Variants in AHRR observed in about 807,000 individuals in gnomAD.
AHRR encodes the protein aryl hydrocarbon receptor repressor.
In AHRR, 28 loss-of-function variants were observed where a neutral mutation model predicts 44.0. The ratio of observed to expected loss-of-function variants is 0.64; its 90% CI spans 0.47 to 0.87. The LOEUF is 0.87. Ranked by LOEUF, AHRR falls within the 40% of genes least tolerant of loss-of-function variation. The pLI, the probability that AHRR is intolerant of heterozygous loss-of-function variation, is 0.00. For missense variants in AHRR, 990 were observed against 953.9 expected (o/e 1.04, Z -0.50); for synonymous variants, 434 against 407.0 (o/e 1.07, Z -0.80).
At chr5:410,828 A>G (rs11745246) in intron 4 of AHRR, among the ~76,000 whole-genome samples, 35,297 of 152,148 alleles carry the variant, frequency 0.23, 5,391 homozygotes, top group Non-Finnish European at 0.34. Flanking sequence ...TATTTAGTAT[A>G]AGGTTATTTA....
intron 4 of AHRR, among the ~76,000 whole-genome samples, chr5:394,813 G>T (rs977787847): frequency 1.3e-5 from 2 of 152,254 alleles, no homozygotes; most frequent in African/African-American, 4.8e-5. Flanking sequence ...GGCAGGGCCA[G>T]CTCCTGGGTG....
chr5:365,368 G>A (rs1743321120), intron 3 of AHRR, among the ~76,000 whole-genome samples: 1 of 152,128 alleles, frequency 6.6e-6, no homozygotes, highest in South Asian at 2.1e-4. Flanking sequence ...AACCCGTATA[G>A]TTGGAAATAA....
chr5:392,678 G>A (rs556198523), intron 4 of AHRR, among the ~76,000 whole-genome samples: 25 of 135,518 alleles, frequency 1.8e-4, no homozygotes, highest in Admixed American at 6.0e-4. Flanking sequence ...GTGATGTGGC[G>A]GGAAGGCTGG....
rs1385954895 is a variant in AHRR, at chr5:395,284, G to T, written c.352-18060G>T. On this transcript the variant is annotated intron_variant, in intron 4 of 10. Coordinates refer to ENST00000684583, the MANE Select transcript of AHRR (RefSeq NM_001377236.1). The surrounding 1 kb of genome is among the most constrained non-coding windows in gnomAD (Gnocchi z 5.3). ...ACTGGTGCGGAATGCAGACAGAGGG[G>T]GCCTGGGAGACACGAGCCCCGGTGG... Among the ~76,000 whole-genome samples, 1 of 152,190 alleles carries T rather than the reference G, an allele frequency of 6.6e-6. No homozygotes were observed. Among genetic ancestry groups the T allele is most frequent in the African/African-American group, 2.4e-5 (1 of 41,450 alleles).
chr5:351,356 G>A (rs1742852363), intron 2 of AHRR, among the ~76,000 whole-genome samples: 1 of 152,192 alleles, frequency 6.6e-6, no homozygotes, highest in African/African-American at 2.4e-5. Context: ...CAACGCAAAC[G>A]TCCATCAGCA....
In AHRR at chr5:395,908, G is replaced by A. The variant is rs1231726456; in HGVS notation, c.352-17436G>A. Among the ~76,000 whole-genome samples the A allele has an allele frequency of 2.0e-5, 3 of 152,226 alleles. No individual in the cohort carries two copies. The highest frequency in any genetic ancestry group is 7.2e-5 in the African/African-American group (3 of 41,458). On this transcript the variant is annotated intron_variant, in intron 4 of 10. Transcript: ENST00000684583. This position sits in a 1 kb window ranked among gnomAD's most constrained non-coding sequence, Gnocchi z 5.3. Reference sequence around the variant, plus strand: ...CCTCCAGCTTCCTCCATGCAGTGATGTTGCCTGGCTCTAAGGGGCTCCTGG... The same window carrying A: ...CCTCCAGCTTCCTCCATGCAGTGATATTGCCTGGCTCTAAGGGGCTCCTGG...
chr5:336,212 A>G lies in AHRR; in HGVS notation c.-10-7681A>G, dbSNP rs557072329. Among the ~76,000 whole-genome samples, 3 of 152,276 alleles carry G rather than the reference A, an allele frequency of 2.0e-5. No individual in the cohort carries two copies. In the South Asian group the frequency reaches 6.2e-4, roughly 32 times the overall value. On this transcript the variant is annotated intron_variant, in intron 1 of 10. Transcript: ENST00000684583. ...GGGACTGCATGATTCTCCAGTGGGA[A>G]AGTGGACTGCGGGAAGACCCACCCT...
At chr5:325,181 C>G (rs1233259138) in intron 1 of AHRR, among the ~76,000 whole-genome samples, 1 of 152,238 alleles carries the variant, frequency 6.6e-6, no homozygotes, top group Non-Finnish European at 1.5e-5. Flanking sequence ...ATCTTCCCAG[C>G]TGTCCCACCA....
At chr5:380,975 G>GC (rs1733957555) in intron 4 of AHRR, among the ~76,000 whole-genome samples, 2 of 152,248 alleles carry the variant, frequency 1.3e-5, no homozygotes, top group African/African-American at 4.8e-5. Flanking sequence ...AGGCCTGAGA[G>GC]CCCCCAGGAG....
rs1051969915 is a variant in AHRR at position 383,518 on chromosome 5, A to C, written c.351+6802A>C. Among the ~76,000 whole-genome samples the C allele has an allele frequency of 6.6e-6, 1 of 151,232 alleles. No homozygotes were observed. Among genetic ancestry groups the C allele is most frequent in the African/African-American group, 2.4e-5 (1 of 41,146 alleles). Reference sequence around the variant, plus strand: ...ATTCCTGGTAGTTTCTCTTGTTCTGAAATCCACTTTGTCTGGTACTAATAT... The same window carrying C: ...ATTCCTGGTAGTTTCTCTTGTTCTGCAATCCACTTTGTCTGGTACTAATAT... On this transcript the variant is annotated intron_variant, in intron 4 of 10. Transcript: ENST00000684583. The surrounding 1 kb of genome is among the most constrained non-coding windows in gnomAD (Gnocchi z 4.0).
chr5:354,453 C>T (rs1021221997), intron 3 of AHRR, among the ~76,000 whole-genome samples: 2 of 152,182 alleles, frequency 1.3e-5, no homozygotes, highest in Non-Finnish European at 2.9e-5. Flanking sequence ...GCTGCCCTCT[C>T]GTGGGGAGGG....
intron 2 of AHRR, among the ~76,000 whole-genome samples, chr5:347,984 G>T (rs1742735331): frequency 1.3e-5 from 2 of 152,230 alleles, no homozygotes; most frequent in Admixed American, 1.3e-4. Context: ...GTCTGGAAGG[G>T]GTGGCTGGTA....
intron 4 of AHRR, among the ~76,000 whole-genome samples, chr5:390,102 G>A (rs1734350416): frequency 1.3e-5 from 2 of 152,036 alleles, no homozygotes; most frequent in Admixed American, 1.3e-4. Context: ...AGAAACACAC[G>A]GAATGAAGAA....
In AHRR at chr5:436,177, G is replaced by C. The variant is rs1382046606; in HGVS notation, c.*1343G>C. ...AGTGGCAGGAGCTGTGGGAGCCCAT[G>C]GGTGAGGGACCCACCACCCCGCTGC... On this transcript the variant is annotated 3_prime_UTR_variant, in exon 11 of 11. Transcript: ENST00000684583. 6.6e-6 allele frequency: 1 copy of C among 150,380 alleles called. No individual in the cohort carries two copies. Among genetic ancestry groups the C allele is most frequent in the Non-Finnish European group, 1.5e-5 (1 of 67,414 alleles). 9.3% of individuals were successfully genotyped at this position (150,380 alleles called of 1,614,324 possible).
rs879434059 is a variant in AHRR at position 415,609 on chromosome 5, T to TCGGGTGGGAGGCCTA, written c.441+2176_441+2177insCGGGTGGGAGGCCTA. Among the ~76,000 whole-genome samples the TCGGGTGGGAGGCCTA allele has an allele frequency of 9.8e-4, 134 of 137,180 alleles. 2 individuals are homozygous for TCGGGTGGGAGGCCTA. The highest frequency in any genetic ancestry group is 7.8e-3 in the Middle Eastern group (2 of 256). 90.0% of individuals were successfully genotyped at this position (137,180 alleles called of 152,430 possible). A position where few individuals can be genotyped will look rare whatever the true frequency, so the allele number is the denominator to read the frequency against. ...AGGCCTAGGGGCCGAATCTGCCTGG[T>TCGGGTGGGAGGCCTA]GGGGCGGGAGGCCTAGGGGCCGAAT... On this transcript the variant is annotated intron_variant, in intron 5 of 10. Transcript: ENST00000684583.
chr5:412,876 A>G (rs1735527378), intron 4 of AHRR, among the ~76,000 whole-genome samples: 1 of 152,018 alleles, frequency 6.6e-6, no homozygotes, highest in Non-Finnish European at 1.5e-5. Flanking sequence ...GCACACCACC[A>G]CACCCGGCTA....
intron 3 of AHRR, among the ~76,000 whole-genome samples, chr5:375,319 C>T (rs1367771345): frequency 6.6e-6 from 1 of 152,208 alleles, no homozygotes; most frequent in Non-Finnish European, 1.5e-5. Flanking sequence ...GCCCCTCAAA[C>T]TTGATTTTCT....
intron 3 of AHRR, among the ~76,000 whole-genome samples, chr5:368,389 C>T (rs1171027862): frequency 6.6e-6 from 1 of 152,058 alleles, no homozygotes; most frequent in Non-Finnish European, 1.5e-5. Context: ...ACCTGTGCAC[C>T]GCACGCTGAT....
intron 6 of AHRR, among the ~76,000 whole-genome samples, chr5:423,622 C>T (rs980959228): frequency 6.6e-6 from 1 of 152,218 alleles, no homozygotes; most frequent in Non-Finnish European, 1.5e-5. Context: ...ATTGGTCCAT[C>T]GTCATGCATG....
Sources: allele counts gnomAD v4.1 joint callset (sites outside exome capture counted in the v4.1 genomes callset), GRCh38; gene constraint gnomAD v4.1.1; non-coding constraint Gnocchi (gnomAD v3.1); transcripts MANE v1.5; gene names NCBI Gene and HGNC (gene_info 2026-07-23, HGNC 2026-07-21).